ATXN2: variants seen among roughly 807,000 people sequenced by gnomAD.
The protein encoded by ATXN2 is ataxin 2.
ATXN2 carries 37 observed loss-of-function variants against 138.6 expected under a neutral mutation model. That is an observed-to-expected ratio of 0.27 (90% CI 0.21 to 0.35). The LOEUF is 0.35. Among genes scored for constraint, ATXN2 ranks in the 10% least tolerant of loss-of-function variants. The probability of loss-of-function intolerance (pLI) is 1.00; values close to 1 mark genes in which losing one functional copy is unlikely to be tolerated. For missense variants in ATXN2, 1,216 were observed against 1,480.3 expected, an observed-to-expected ratio of 0.82 and a Z score of 2.93; for synonymous variants, 549 against 543.7, an observed-to-expected ratio of 1.01 and a Z score of -0.13.
intron 21 of ATXN2, among the ~76,000 whole-genome samples, chr12:111,464,282 G>A (rs952151333): frequency 2.7e-5 from 4 of 146,814 alleles, no homozygotes; most frequent in Non-Finnish European, 4.5e-5. Context: ...GTGTGTGTGT[G>A]TATAAATAAA....
intron 18 of ATXN2, among the ~76,000 whole-genome samples, chr12:111,484,800 A>G (rs1217015459): frequency 1.3e-5 from 2 of 152,024 alleles, no homozygotes; most frequent in Non-Finnish European, 2.9e-5. Context: ...GCATAATCAC[A>G]GCTCACTGCA....
At chr12:111,471,053 T>A in intron 18 of ATXN2, 1 of 277,216 alleles carries the variant, frequency 3.6e-6, no homozygotes, top group Admixed American at 4.4e-5. Flanking sequence ...TGTAACAGAC[T>A]CTCACAGCAT....
At chr12:111,592,792 A>AAAAAAAAAAAAAAAAAAAAAAAAAAG (rs1884739267) in intron 1 of ATXN2, among the ~76,000 whole-genome samples, 1 of 146,742 alleles carries the variant, frequency 6.8e-6, no homozygotes, top group African/African-American at 2.5e-5. Context: ...CAAAAAAAAA[A>AAAAAAAAAAAAAAAAAAAAAAAAAAG]AAAAAAAAAA....
At chr12:111,515,250 A>T (rs1421844215) in intron 10 of ATXN2, among the ~76,000 whole-genome samples, 4 of 152,226 alleles carry the variant, frequency 2.6e-5, no homozygotes, top group African/African-American at 9.6e-5. Flanking sequence ...AAACTTTATT[A>T]GTCCCAACAT....
rs1015556916 is a variant in ATXN2 at position 111,453,526 on chromosome 12, T to C, written c.3439+151A>G. The C allele has an allele frequency of 1.1e-5, 15 of 1,387,866 alleles. No homozygotes were observed. In the Admixed American group the frequency reaches 3.7e-4, roughly 34 times the overall value. The allele number at this position is 1,387,866 out of a possible 1,614,324, so 86.0% of individuals were successfully genotyped here. A position where few individuals can be genotyped will look rare whatever the true frequency, so the allele number is the denominator to read the frequency against. On this transcript the variant is annotated intron_variant, in intron 24 of 24. Transcript: ENST00000673436. The surrounding 1 kb of genome is among the most constrained non-coding windows in gnomAD (Gnocchi z 5.4). ...GAAGCCTCAGGCCCTGATGCTGAAC[T>C]GATCGTCACAGTCCCTCCTGTGCAC...
intron 5 of ATXN2, among the ~76,000 whole-genome samples, chr12:111,545,962 G>GAAAAAAAA (rs56313374): frequency 1.1e-5 from 1 of 94,842 alleles, no homozygotes; most frequent in African/African-American, 3.8e-5. Context: ...AAGATCATCT[G>GAAAAAAAA]AAAAAAAAAA....
At position 111,486,808 on chromosome 12, in the gene ATXN2, T is replaced by G. The variant is rs754020005; in HGVS notation, c.2257A>C (p.Thr753Pro). The part of the protein sequence containing the change: ...KDAAEQVRKS[T>P]LNPNAKEFNP... Reference sequence around the variant, plus strand: ...AACTCCTTTGCATTGGGATTCAATGTTGATTTCCTAACTTGCCTAAAAAAA... The same window carrying G: ...AACTCCTTTGCATTGGGATTCAATGGTGATTTCCTAACTTGCCTAAAAAAA... The change falls in exon 16 of 25, where the codon ACA becomes CCA. Residue 753 changes from threonine to proline, a missense_variant. By Grantham distance (38) the Thr-to-Pro change is conservative. Coordinates refer to ENST00000673436, the MANE Select transcript of ATXN2 (RefSeq NM_001372574.1). The G allele has an allele frequency of 4.3e-6, 7 of 1,612,782 alleles. No individual in the cohort carries two copies. Among genetic ancestry groups the G allele is most frequent in the Non-Finnish European group, 5.9e-6 (7 of 1,179,118 alleles).
At chr12:111,565,569 C>T (rs1283539957) in intron 1 of ATXN2, among the ~76,000 whole-genome samples, 2 of 152,062 alleles carry the variant, frequency 1.3e-5, no homozygotes, top group African/African-American at 2.4e-5. Context: ...TCTTTTAAGG[C>T]ACCACAAACG....
intron 18 of ATXN2, among the ~76,000 whole-genome samples, chr12:111,478,345 G>T (rs1876973583): frequency 6.6e-6 from 1 of 152,118 alleles, no homozygotes; most frequent in Admixed American, 6.6e-5. Flanking sequence ...GGCGGAGGTT[G>T]CAGTGAGCCA....
chr12:111,531,820 A>C (rs1213753349), intron 5 of ATXN2, among the ~76,000 whole-genome samples: 1 of 152,182 alleles, frequency 6.6e-6, no homozygotes. Flanking sequence ...CCTTTTTCTT[A>C]ATCCATGGGC....
chr12:111,521,022 C>T, intron 6 of ATXN2, 49 bp from the exon 7 acceptor site: 1 of 1,227,862 alleles, frequency 8.1e-7, no homozygotes, highest in Middle Eastern at 1.9e-4. Flanking sequence ...TAGTTGTTCC[C>T]TTTCATTCAG....
intron 14 of ATXN2, among the ~76,000 whole-genome samples, chr12:111,501,854 A>T (rs963647843): frequency 1.3e-5 from 2 of 151,986 alleles, no homozygotes; most frequent in African/African-American, 4.8e-5. Context: ...TTTTTCTTAC[A>T]ATGTCAAACA....
intron 8 of ATXN2, among the ~76,000 whole-genome samples, chr12:111,519,031 A>C (rs148857547): frequency 4.1e-4 from 62 of 152,286 alleles, no homozygotes; most frequent in Non-Finnish European, 6.2e-4. Context: ...AAACGGAGTC[A>C]CTGTTTTTCC....
chr12:111,534,734 G>A (rs934819091), intron 5 of ATXN2, among the ~76,000 whole-genome samples: 2 of 152,124 alleles, frequency 1.3e-5, no homozygotes, highest in South Asian at 2.1e-4. Flanking sequence ...AGTAAGTAGG[G>A]AGCTAGGACA....
At chr12:111,577,298 C>T (rs1883723843) in intron 1 of ATXN2, among the ~76,000 whole-genome samples, 1 of 152,010 alleles carries the variant, frequency 6.6e-6, no homozygotes, top group Non-Finnish European at 1.5e-5. Context: ...CAGAGTCTCG[C>T]TCTGTTGCCC....
intron 1 of ATXN2, among the ~76,000 whole-genome samples, chr12:111,584,998 T>A (rs1884245953): frequency 6.6e-6 from 1 of 152,178 alleles, no homozygotes; most frequent in Non-Finnish European, 1.5e-5. Flanking sequence ...CACTTCTTAT[T>A]CTTTTTCATT....
chr12:111,459,775 A>G (rs1343271813), intron 21 of ATXN2, among the ~76,000 whole-genome samples: 4 of 120,948 alleles, frequency 3.3e-5, no homozygotes, highest in African/African-American at 6.5e-5. Context: ...TCTTGCTGTC[A>G]CCCAGGCTGG....
At chr12:111,536,705 G>T (rs901339242) in intron 5 of ATXN2, among the ~76,000 whole-genome samples, 5 of 151,272 alleles carry the variant, frequency 3.3e-5, no homozygotes, top group Admixed American at 6.6e-5. Context: ...TATCTTGCAG[G>T]TATGTGTATG....
intron 9 of ATXN2, among the ~76,000 whole-genome samples, chr12:111,517,798 T>G (rs1425077556): frequency 6.6e-6 from 1 of 152,170 alleles, no homozygotes; most frequent in Non-Finnish European, 1.5e-5. Flanking sequence ...CTCAGATCCT[T>G]TCTTGAAGTA....
Sources: allele counts gnomAD v4.1 joint callset (sites outside exome capture counted in the v4.1 genomes callset), GRCh38; gene constraint gnomAD v4.1.1; non-coding constraint Gnocchi (gnomAD v3.1); transcripts MANE v1.5; gene names NCBI Gene and HGNC (gene_info 2026-07-23, HGNC 2026-07-21).